CYP2C19: variants seen among roughly 807,000 people sequenced by gnomAD.
CYP2C19 encodes cytochrome P450 2C19.
Under a neutral mutation model 40.9 loss-of-function variants are expected in CYP2C19, and 59 were observed. The observed-to-expected ratio is 1.44, with a 90% CI of 1.17 to 1.79. The LOEUF is 1.79. Ranked by LOEUF, CYP2C19 falls within the 40% of genes most tolerant of loss-of-function variation. The probability of loss-of-function intolerance (pLI) is 0.00; values close to 1 mark genes in which losing one functional copy is unlikely to be tolerated. For synonymous variants in CYP2C19, 253 were observed against 208.7 expected (o/e 1.21, Z -1.83); for missense variants, 754 against 596.9 (o/e 1.26, Z -2.74).
intron 1 of CYP2C19, among the ~76,000 whole-genome samples, chr10:94,765,251 C>T (rs1848224324): frequency 6.6e-6 from 1 of 152,122 alleles, no homozygotes; most frequent in Non-Finnish European, 1.5e-5. Flanking sequence ...TGGCTTTGCA[C>T]TGATGGAGTT....
At chr10:94,798,196 G>T (rs970743847) in intron 5 of CYP2C19, among the ~76,000 whole-genome samples, 1 of 152,002 alleles carries the variant, frequency 6.6e-6, no homozygotes, top group African/African-American at 2.4e-5. Context: ...TTGCATGTTT[G>T]TTCTCATTGG....
chr10:94,837,723 C>T (rs534597268), intron 6 of CYP2C19, among the ~76,000 whole-genome samples: 7 of 152,228 alleles, frequency 4.6e-5, no homozygotes, highest in African/African-American at 1.7e-4. Flanking sequence ...GACAGTTAAC[C>T]TCCTGGCCCT....
chr10:94,842,896 G>C lies in CYP2C19; in HGVS notation c.1021G>C (p.Asp341His), dbSNP rs770829708. 242 of 1,613,776 alleles carry C rather than the reference G, an allele frequency of 1.5e-4. No homozygotes were observed. The highest frequency in any genetic ancestry group is 1.9e-4 in the Non-Finnish European group (227 of 1,179,758). Residue 341 changes from aspartate to histidine, a missense_variant, in exon 7 of 9, where the codon GAC becomes CAC. Coordinates refer to ENST00000371321, the MANE Select transcript of CYP2C19 (RefSeq NM_000769.4). ...IGRNRSPCMQ[D>H]RGHMPYTDAV... is the part of the protein sequence containing the mutation. ...CAGAAACCGGAGCCCCTGCATGCAGGACAGGGGCCACATGCCCTACACAGA... is the reference window on the plus strand; with the variant it reads ...CAGAAACCGGAGCCCCTGCATGCAGCACAGGGGCCACATGCCCTACACAGA...
intron 5 of CYP2C19, among the ~76,000 whole-genome samples, chr10:94,782,453 G>A (rs1448074026): frequency 6.6e-6 from 1 of 152,042 alleles, no homozygotes; most frequent in Non-Finnish European, 1.5e-5. Context: ...TAAAAAGTCA[G>A]GATATAACAG....
At chr10:94,808,036 A>G (rs1848859738) in intron 5 of CYP2C19, among the ~76,000 whole-genome samples, 1 of 151,996 alleles carries the variant, frequency 6.6e-6, no homozygotes, top group East Asian at 1.9e-4. Flanking sequence ...TTTTGAGTTT[A>G]TTTTTGTAAA....
chr10:94,815,218 G>C (rs981077703), intron 5 of CYP2C19, among the ~76,000 whole-genome samples: 2 of 151,596 alleles, frequency 1.3e-5, no homozygotes, highest in African/African-American at 4.9e-5. Flanking sequence ...GGCAAGCTTA[G>C]AAAACTGTGT....
chr10:94,829,631 G>A (rs527841181), intron 6 of CYP2C19, among the ~76,000 whole-genome samples: 13 of 151,856 alleles, frequency 8.6e-5, no homozygotes, highest in South Asian at 2.1e-4. Flanking sequence ...TAATTTGATC[G>A]TCTGAAGCCT....
chr10:94,811,936 G>T (rs912071413), intron 5 of CYP2C19, among the ~76,000 whole-genome samples: 8 of 148,028 alleles, frequency 5.4e-5, no homozygotes, highest in Non-Finnish European at 1.2e-4. Context: ...TGATTATTTT[G>T]CCTTTTAGTT....
chr10:94,794,926 A>G (rs1421427789), intron 5 of CYP2C19, among the ~76,000 whole-genome samples: 1 of 152,006 alleles, frequency 6.6e-6, no homozygotes, highest in Non-Finnish European at 1.5e-5. Context: ...TGCCCTGGCC[A>G]GAGCTTCCAA....
At chr10:94,826,285 C>T (rs1849220127) in intron 6 of CYP2C19, among the ~76,000 whole-genome samples, 1 of 152,092 alleles carries the variant, frequency 6.6e-6, no homozygotes, top group African/African-American at 2.4e-5. Context: ...TCTTCCGACC[C>T]ATGAGCATGG....
rs369788932 is a variant in CYP2C19, at chr10:94,809,575, T to C, written c.820-10921T>C. Among the ~76,000 whole-genome samples, 8 of 152,092 alleles carry C rather than the reference T, an allele frequency of 5.3e-5. 1 individual carries two copies. The East Asian group carries it at 7.7e-4, about 15-fold the overall frequency. On this transcript the variant is annotated intron_variant, in intron 5 of 8. Transcript: ENST00000371321. ...TATTTTATTTCTTTCTCTTGCCTGATTGCCCTGGTCAGAACTTCCAATATT... is the reference window on the plus strand; with the variant it reads ...TATTTTATTTCTTTCTCTTGCCTGACTGCCCTGGTCAGAACTTCCAATATT...
chr10:94,769,743 G>A (rs1848301089), intron 1 of CYP2C19, among the ~76,000 whole-genome samples: 1 of 152,132 alleles, frequency 6.6e-6, no homozygotes, highest in Non-Finnish European at 1.5e-5. Context: ...AGGAAAAGTG[G>A]TGGGGTCTTT....
chr10:94,830,041 A>T (rs552623427), intron 6 of CYP2C19, among the ~76,000 whole-genome samples: 29 of 152,276 alleles, frequency 1.9e-4, no homozygotes, highest in African/African-American at 6.5e-4. Flanking sequence ...TGCTGGGAGA[A>T]CCACTGCTCT....
At position 94,810,250 on chromosome 10, in the gene CYP2C19, A is replaced by G. The variant is rs539532730; in HGVS notation, c.820-10246A>G. ...GATGAAGCCAACTTGATCGTGGTGGATAAGCTTTTTGAAGTGCTGCTGGAT... is the reference window on the plus strand; with the variant it reads ...GATGAAGCCAACTTGATCGTGGTGGGTAAGCTTTTTGAAGTGCTGCTGGAT... On this transcript the variant is annotated intron_variant, in intron 5 of 8. Coordinates refer to ENST00000371321, the MANE Select transcript of CYP2C19 (RefSeq NM_000769.4). Among the ~76,000 whole-genome samples, 14 of 152,276 alleles carry G rather than the reference A, an allele frequency of 9.2e-5. No homozygotes were observed. The South Asian group carries it at 2.7e-3, about 29-fold the overall frequency.
chr10:94,821,090 A>G (rs1029315276), intron 6 of CYP2C19, among the ~76,000 whole-genome samples: 22 of 152,016 alleles, frequency 1.4e-4, no homozygotes, highest in Admixed American at 4.6e-4. Context: ...CTCAGAAAAG[A>G]AAAAAAAGGA....
chr10:94,797,179 T>C (rs1349119712), intron 5 of CYP2C19, among the ~76,000 whole-genome samples: 1 of 152,038 alleles, frequency 6.6e-6, no homozygotes, highest in African/African-American at 2.4e-5. Context: ...AATACCTAAT[T>C]TATTGAGAGT....
intron 7 of CYP2C19, among the ~76,000 whole-genome samples, chr10:94,849,626 C>T (rs1849622257): frequency 9.8e-6 from 1 of 101,816 alleles, no homozygotes; most frequent in African/African-American, 3.8e-5. Flanking sequence ...TGCTATCCCT[C>T]CCCCCTCCCC....
intron 5 of CYP2C19, among the ~76,000 whole-genome samples, chr10:94,810,339 A>G (rs1310093432): frequency 6.6e-6 from 1 of 151,880 alleles, no homozygotes; most frequent in African/African-American, 2.4e-5. Flanking sequence ...TTGGCCTGAA[A>G]TTTTCTTTTT....
chr10:94,849,183 T>C (rs1184681970), intron 7 of CYP2C19, among the ~76,000 whole-genome samples: 3 of 152,080 alleles, frequency 2.0e-5, no homozygotes, highest in Non-Finnish European at 2.9e-5. Flanking sequence ...ACATAAGATT[T>C]GTGAAAACTG....
Sources: gnomAD v4.1 joint callset for allele counts (sites outside exome capture counted in the v4.1 genomes callset) on GRCh38, gnomAD v4.1.1 for gene constraint, MANE v1.5 for transcripts, NCBI Gene and HGNC (gene_info 2026-07-23, HGNC 2026-07-21) for gene names.